The following COL5A1 variants were observed in gnomAD, a reference collection of about 807,000 sequenced individuals.
COL5A1 encodes collagen type V alpha 1 chain.
In COL5A1, 16 loss-of-function variants were observed where a neutral mutation model predicts 263.7. That is an observed-to-expected ratio of 0.06 (90% CI 0.04 to 0.09). The LOEUF is 0.09. Among genes scored for constraint, COL5A1 ranks in the 10% least tolerant of loss-of-function variants. The pLI is 1.00. For missense variants in COL5A1, 2,036 were observed against 2,540.5 expected (o/e 0.80, Z 4.27); for synonymous variants, 1,012 against 1,004.5 (o/e 1.01, Z -0.14).
chr9:134,685,414 T>TCATC (rs1833013167), intron 1 of COL5A1, among the ~76,000 whole-genome samples: 2 of 26,704 alleles, frequency 7.5e-5, no homozygotes, highest in Non-Finnish European at 1.3e-4. Flanking sequence ...ATCCATTAAT[T>TCATC]CATCCATCCA....
intron 11 of COL5A1, among the ~76,000 whole-genome samples, chr9:134,743,552 G>A (rs752658328): frequency 5.3e-5 from 8 of 152,164 alleles, no homozygotes; most frequent in South Asian, 2.1e-4. Context: ...TTTCCCAGCC[G>A]CCTCAGGGTC....
chr9:134,793,869 ACATAATTAACTCATCAT>A (rs1837805103), intron 32 of COL5A1, among the ~76,000 whole-genome samples: 1 of 152,254 alleles, frequency 6.6e-6, no homozygotes, highest in Non-Finnish European at 1.5e-5. Flanking sequence ...TTAAAAAGCT[ACATAATTAACTCATCAT>A]CATAAATGGT....
At chr9:134,761,432 C>G (rs1238609416) in intron 18 of COL5A1, among the ~76,000 whole-genome samples, 2 of 152,242 alleles carry the variant, frequency 1.3e-5, no homozygotes, top group East Asian at 1.9e-4. Context: ...CATGTATGTT[C>G]TCCAACAACC....
At chr9:134,808,733 TGTG>T (rs758327619) in intron 42 of COL5A1, among the ~76,000 whole-genome samples, 2 of 151,926 alleles carry the variant, frequency 1.3e-5, no homozygotes, top group African/African-American at 4.8e-5. Context: ...TGCATGTCCT[TGTG>T]TGTGTGTGCA....
intron 1 of COL5A1, among the ~76,000 whole-genome samples, chr9:134,663,367 C>T (rs539179477): frequency 1.3e-5 from 2 of 152,130 alleles, no homozygotes; most frequent in Non-Finnish European, 2.9e-5. Context: ...GGGTGAAGGG[C>T]TGGGGCTGGG....
intron 1 of COL5A1, among the ~76,000 whole-genome samples, chr9:134,673,445 G>A (rs1038953762): frequency 1.2e-4 from 18 of 145,922 alleles, no homozygotes; most frequent in African/African-American, 3.9e-4. Context: ...GGGCAATATG[G>A]CGAGACTCCA....
rs1266538902 is a variant in COL5A1 at position 134,811,619 on chromosome 9, C to A, written c.3690+20C>A. 2 of 1,529,054 alleles carry A rather than the reference C, an allele frequency of 1.3e-6. No individual in the cohort carries two copies. The highest frequency in any genetic ancestry group is 1.8e-6 in the Non-Finnish European group (2 of 1,126,460). The allele number at this position is 1,529,054 out of a possible 1,614,324, so 94.7% of individuals were successfully genotyped here. On this transcript the variant is annotated intron_variant, in intron 46 of 65. Coordinates refer to ENST00000371817, the MANE Select transcript of COL5A1 (RefSeq NM_000093.5). ...CTGCAGGTAACTGTGGGGTTCTCACCACACCGGGCTCCTCCGCTTCTGACG... is the reference window on the plus strand; with the variant it reads ...CTGCAGGTAACTGTGGGGTTCTCACAACACCGGGCTCCTCCGCTTCTGACG...
rs904810589 is a variant in COL5A1, at chr9:134,741,843, G to A, written c.1494+3035G>A. 6.6e-6 allele frequency among the ~76,000 whole-genome samples: 1 copy of A among 152,072 alleles called. No homozygotes were observed. Among genetic ancestry groups the A allele is most frequent in the African/African-American group, 2.4e-5 (1 of 41,424 alleles). On this transcript the variant is annotated intron_variant, in intron 11 of 65. Coordinates refer to ENST00000371817, the MANE Select transcript of COL5A1 (RefSeq NM_000093.5). This position sits in a 1 kb window ranked among gnomAD's most constrained non-coding sequence, Gnocchi z 4.5. ...TTCTCCCTGCCACTCCCAACCTCCC[G>A]CCTTGGGCTTCCCCAGCCCTTCCTC...
intron 19 of COL5A1, among the ~76,000 whole-genome samples, chr9:134,762,212 C>A (rs573104250): frequency 6.6e-5 from 10 of 152,338 alleles, no homozygotes; most frequent in Admixed American, 6.5e-4. Flanking sequence ...ATCGGTCCTG[C>A]TGATGGATGG....
chr9:134,792,907 G>A (rs62571372), intron 32 of COL5A1, among the ~76,000 whole-genome samples: 8 of 32,856 alleles, frequency 2.4e-4, no homozygotes, highest in African/African-American at 8.3e-4. Context: ...GTGTGTGCAC[G>A]CGCGTGTGTG....
At chr9:134,737,578 G>A (rs1456102916) in intron 9 of COL5A1, among the ~76,000 whole-genome samples, 3 of 152,232 alleles carry the variant, frequency 2.0e-5, no homozygotes, top group Non-Finnish European at 4.4e-5. Context: ...AAGTCGTCAT[G>A]GAACACGGAG....
chr9:134,834,948 C>G (rs1839793977), intron 64 of COL5A1, 23 bp from the exon 65 acceptor site: 1 of 1,565,498 alleles, frequency 6.4e-7, no homozygotes. Context: ...CCCTGCTGAG[C>G]CCCAACACCC....
At chr9:134,835,595 C>G (rs1033949617) in intron 65 of COL5A1, among the ~76,000 whole-genome samples, 1 of 152,220 alleles carries the variant, frequency 6.6e-6, no homozygotes, top group Non-Finnish European at 1.5e-5. Context: ...CTAAGCTGGG[C>G]CTGTTCCCGA....
In COL5A1 at chr9:134,765,298, G is replaced by A. The variant is rs769666654; in HGVS notation, c.2035-383G>A. Among the ~76,000 whole-genome samples the A allele has an allele frequency of 5.9e-5, 9 of 152,334 alleles. No individual in the cohort carries two copies. The highest frequency in any genetic ancestry group is 1.2e-4 in the Non-Finnish European group (8 of 68,028). On this transcript the variant is annotated intron_variant, in intron 20 of 65. Transcript: ENST00000371817. The surrounding 1 kb of genome is among the most constrained non-coding windows in gnomAD (Gnocchi z 5.1). ...GGGAATTCAGGAGCGAGCCGGTAAT[G>A]AGGATAGGGCACAAGGGCTCCGTGC...
At chr9:134,823,300 G>A in intron 60 of COL5A1, 116 bp from the exon 61 acceptor site, 1 of 1,163,032 alleles carries the variant, frequency 8.6e-7, no homozygotes, top group Non-Finnish European at 1.3e-6. Flanking sequence ...CTCTGCTGTG[G>A]CTGATAGGGC....
At chr9:134,672,307 G>A (rs1454382343) in intron 1 of COL5A1, among the ~76,000 whole-genome samples, 3 of 152,178 alleles carry the variant, frequency 2.0e-5, no homozygotes, top group Non-Finnish European at 2.9e-5. Flanking sequence ...GAGTCATAAT[G>A]TCTTATTTGT....
intron 65 of COL5A1, among the ~76,000 whole-genome samples, chr9:134,838,997 G>A (rs7850184): frequency 3.4e-3 from 511 of 152,196 alleles, no homozygotes; most frequent in Non-Finnish European, 5.4e-3. Flanking sequence ...AGTCACAACC[G>A]TCTCATTTAA....
chr9:134,802,647 G>A (rs192931551), intron 38 of COL5A1, among the ~76,000 whole-genome samples: 2 of 152,312 alleles, frequency 1.3e-5, no homozygotes, highest in African/African-American at 2.4e-5. Context: ...TCCTGAAGGC[G>A]CCAGGTGGGG....
chr9:134,731,608 C>T lies in COL5A1; in HGVS notation c.1277C>T (p.Ser426Phe). The stretch of plus-strand genomic sequence containing the variant: ...GACCCCTACTACGACCCCACCAGCT[C>T]CCCGTCGGAGATCGGGCCGGGAATG... ...YYDPYYDPTS[S>F]PSEIGPGMPA... The change falls in exon 8 of 66, where the codon TCC becomes TTC. Residue 426 changes from serine (S) to phenylalanine (F), a missense_variant. Physicochemically the swap from Ser to Phe is radical, Grantham distance 155. Transcript: ENST00000371817. 6.2e-7 allele frequency: 1 copy of T among 1,614,160 alleles called. No individual in the cohort carries two copies. The highest frequency in any genetic ancestry group is 8.5e-7 in the Non-Finnish European group (1 of 1,180,024).
Sources: gnomAD v4.1 joint callset for allele counts (sites outside exome capture counted in the v4.1 genomes callset) on GRCh38, gnomAD v4.1.1 for gene constraint, Gnocchi (gnomAD v3.1) non-coding constraint, MANE v1.5 for transcripts, NCBI Gene and HGNC (gene_info 2026-07-23, HGNC 2026-07-21) for gene names.